GSK3B: variants seen among roughly 807,000 people sequenced by gnomAD.
GSK3B encodes the protein glycogen synthase kinase-3 beta.
In GSK3B, 15 loss-of-function variants were observed where a neutral mutation model predicts 56.4. That is an observed-to-expected ratio of 0.27 (90% CI 0.18 to 0.41). The LOEUF is 0.41. Ranked by LOEUF, GSK3B falls within the 10% of genes least tolerant of loss-of-function variation. GSK3B has a pLI of 1.00. For missense variants in GSK3B, 300 were observed against 513.4 expected, an observed-to-expected ratio of 0.58 and a Z score of 4.02; for synonymous variants, 181 against 188.9, an observed-to-expected ratio of 0.96 and a Z score of 0.34.
At chr3:119,939,413 T>C (rs1420811763) in intron 3 of GSK3B, among the ~76,000 whole-genome samples, 1 of 152,178 alleles carries the variant, frequency 6.6e-6, no homozygotes, top group African/African-American at 2.4e-5. Context: ...AAGGATTGCC[T>C]GCTGCCATGT....
intron 9 of GSK3B, among the ~76,000 whole-genome samples, chr3:119,847,668 C>T (rs148712318): frequency 1.6e-3 from 236 of 152,102 alleles, no homozygotes; most frequent in Middle Eastern, 3.4e-3. Flanking sequence ...AAAAATATCT[C>T]GGGGAAAGAT....
chr3:119,862,409 G>A (rs2056116273), intron 9 of GSK3B, among the ~76,000 whole-genome samples: 3 of 133,596 alleles, frequency 2.2e-5, no homozygotes, highest in Admixed American at 7.7e-5. Context: ...AGCATTGGGA[G>A]ATATACCTAA....
At chr3:120,028,864 G>C (rs909016218) in intron 1 of GSK3B, 79 of 451,330 alleles carry the variant, frequency 1.8e-4, no homozygotes, top group Admixed American at 1.5e-4. Flanking sequence ...CTCAGACGCA[G>C]GTTTGGCTTC....
At chr3:120,074,070 C>T (rs112158126) in intron 1 of GSK3B, among the ~76,000 whole-genome samples, 3,937 of 152,034 alleles carry the variant, frequency 0.026, 174 homozygotes, top group African/African-American at 0.089. Context: ...TATGGGAGGC[C>T]GAGGTGGATA....
chr3:119,955,798 C>T (rs187092067), intron 2 of GSK3B, among the ~76,000 whole-genome samples: 5 of 152,112 alleles, frequency 3.3e-5, no homozygotes, highest in Admixed American at 6.5e-5. Context: ...AGATTACAGG[C>T]GCCTGCCACC....
chr3:119,917,674 A>G (rs2056795397), intron 4 of GSK3B, among the ~76,000 whole-genome samples: 2 of 150,932 alleles, frequency 1.3e-5, no homozygotes, highest in African/African-American at 4.9e-5. Flanking sequence ...TTTTTTTTAA[A>G]AAAAAAAAGC....
intron 1 of GSK3B, among the ~76,000 whole-genome samples, chr3:120,088,152 A>T (rs2058481076): frequency 6.6e-6 from 1 of 152,208 alleles, no homozygotes; most frequent in Admixed American, 6.5e-5. Flanking sequence ...TCGGCCTCCC[A>T]AAGTGCTGGG....
intron 1 of GSK3B, among the ~76,000 whole-genome samples, chr3:120,026,049 A>C: frequency 6.6e-6 from 1 of 152,208 alleles, no homozygotes; most frequent in African/African-American, 2.4e-5. Flanking sequence ...TTCTCCTTCC[A>C]GCTCTTATTA....
intron 3 of GSK3B, among the ~76,000 whole-genome samples, chr3:119,938,487 A>G (rs982255730): frequency 6.6e-6 from 1 of 152,082 alleles, no homozygotes; most frequent in African/African-American, 2.4e-5. Flanking sequence ...TCAACATAAG[A>G]AAATCAATGT....
chr3:119,940,309 A>G (rs545487386), intron 3 of GSK3B, among the ~76,000 whole-genome samples: 53 of 152,220 alleles, frequency 3.5e-4, no homozygotes, highest in African/African-American at 1.3e-3. Context: ...CAGAGTCACC[A>G]TTCATACTCA....
At chr3:120,057,151 G>GA (rs1212705995) in intron 1 of GSK3B, among the ~76,000 whole-genome samples, 1 of 151,206 alleles carries the variant, frequency 6.6e-6, no homozygotes, top group African/African-American at 2.4e-5. Context: ...TCTCAAAAAA[G>GA]AAAAAAGAAA....
At chr3:120,008,314 T>C (rs1318208704) in intron 1 of GSK3B, among the ~76,000 whole-genome samples, 1 of 151,164 alleles carries the variant, frequency 6.6e-6, no homozygotes, top group African/African-American at 2.4e-5. Flanking sequence ...CCCAAAGTAA[T>C]TTATAGCTAC....
intron 3 of GSK3B, among the ~76,000 whole-genome samples, chr3:119,936,377 C>T (rs1026457845): frequency 1.8e-4 from 26 of 146,670 alleles, no homozygotes; most frequent in African/African-American, 6.0e-4. Flanking sequence ...GACAAAGTCT[C>T]GCTCTGTCAC....
intron 10 of GSK3B, among the ~76,000 whole-genome samples, chr3:119,840,224 AT>A (rs59879900): frequency 0.78 from 107,477 of 138,578 alleles, 41,249 homozygotes; most frequent in East Asian, 0.9. Flanking sequence ...GATGCCGAGA[AT>A]TTTTTTTTTT....
intron 1 of GSK3B, among the ~76,000 whole-genome samples, chr3:120,013,852 T>TAAA (rs202235479): frequency 7.1e-6 from 1 of 140,310 alleles, no homozygotes. Context: ...AAACCACGTT[T>TAAA]AAAAAAAAAA....
intron 9 of GSK3B, among the ~76,000 whole-genome samples, chr3:119,846,481 T>G (rs2055857485): frequency 2.0e-5 from 3 of 152,152 alleles, no homozygotes; most frequent in Admixed American, 1.3e-4. Flanking sequence ...GGGCGAAAGA[T>G]ATGAACAGAC....
At chr3:120,090,748 A>AT (rs2058505147) in intron 1 of GSK3B, among the ~76,000 whole-genome samples, 1 of 152,148 alleles carries the variant, frequency 6.6e-6, no homozygotes, top group Non-Finnish European at 1.5e-5. Flanking sequence ...AACTGCAAAA[A>AT]TCATCTTACG....
chr3:120,056,322 A>G (rs934684851), intron 1 of GSK3B, among the ~76,000 whole-genome samples: 1 of 146,860 alleles, frequency 6.8e-6, no homozygotes, highest in Non-Finnish European at 1.5e-5. Context: ...TGGAGTAAAC[A>G]AAAGTCTTTG....
intron 3 of GSK3B, 85 bp from the exon 4 acceptor site, chr3:119,923,568 A>C (rs2056864003): frequency 1.3e-5 from 7 of 550,844 alleles, no homozygotes; most frequent in African/African-American, 1.9e-5. Flanking sequence ...AATTCTCTAG[A>C]TATTTACTTA....
Sources: gnomAD v4.1 joint callset for allele counts (sites outside exome capture counted in the v4.1 genomes callset) on GRCh38, gnomAD v4.1.1 for gene constraint, MANE v1.5 for transcripts, NCBI Gene and HGNC (gene_info 2026-07-23, HGNC 2026-07-21) for gene names.